The following NTM variants were observed in gnomAD, a reference collection of about 807,000 sequenced individuals.
NTM encodes neurotrimin.
Under a neutral mutation model 42.1 loss-of-function variants are expected in NTM, and 13 were observed. The ratio of observed to expected loss-of-function variants is 0.31; its 90% confidence interval spans 0.20 to 0.49. NTM has a LOEUF of 0.49. Ranked by LOEUF, NTM falls within the 20% of genes least tolerant of loss-of-function variation. The pLI is 0.99. For synonymous variants in NTM, 187 were observed against 179.2 expected, an observed-to-expected ratio of 1.04 and a Z score of -0.35; for missense variants, 373 against 452.8, an observed-to-expected ratio of 0.82 and a Z score of 1.60.
At chr11:131,411,800 A>G (rs773241011) in intron 1 of NTM, among the ~76,000 whole-genome samples, 21 of 152,276 alleles carry the variant, frequency 1.4e-4, no homozygotes, top group Non-Finnish European at 1.6e-4. Flanking sequence ...ATCAGAGCAC[A>G]TGGCTGTCAC....
Position 131,562,018 on chromosome 11 carries a change from T to A in NTM, c.82+191130T>A, listed in dbSNP as rs374884336. ...TTTATTTTTAAGTCATTTTTCTCTCTGTTATTACTATTTTTTATTTTTTAG... is the reference window on the plus strand; with the variant it reads ...TTTATTTTTAAGTCATTTTTCTCTCAGTTATTACTATTTTTTATTTTTTAG... On this transcript the variant is annotated intron_variant, in intron 1 of 8. Coordinates refer to ENST00000683400, the MANE Select transcript of NTM (RefSeq NM_001352005.2). Among the ~76,000 whole-genome samples the A allele has an allele frequency of 6.6e-5, 10 of 152,368 alleles. No homozygotes were observed. In the South Asian group the frequency reaches 8.3e-4, roughly 13 times the overall value.
At chr11:131,691,617 G>A (rs920852863) in intron 1 of NTM, among the ~76,000 whole-genome samples, 2 of 150,894 alleles carry the variant, frequency 1.3e-5, no homozygotes, top group South Asian at 4.2e-4. Context: ...TCTCTTCCAT[G>A]TTGTCTTCTG....
chr11:131,421,080 T>A (rs1947468735), intron 1 of NTM, among the ~76,000 whole-genome samples: 1 of 152,208 alleles, frequency 6.6e-6, no homozygotes, highest in Admixed American at 6.5e-5. Context: ...TGAGATGGGC[T>A]GGAAGCTTGA....
intron 1 of NTM, among the ~76,000 whole-genome samples, chr11:131,628,153 G>A (rs1215436953): frequency 6.6e-6 from 1 of 152,156 alleles, no homozygotes; most frequent in African/African-American, 2.4e-5. Flanking sequence ...AATTGACAGA[G>A]TCCACCTTCT....
rs1286911511 is a variant in NTM at position 132,146,247 on chromosome 11, A to T, written c.168-35A>T. The T allele has an allele frequency of 6.2e-7, 1 of 1,610,166 alleles. No homozygotes were observed. The highest frequency in any genetic ancestry group is 8.5e-7 in the Non-Finnish European group (1 of 1,177,254). On this transcript the variant is annotated intron_variant, in intron 2 of 8. Transcript: ENST00000683400. The surrounding 1 kb of genome is among the most constrained non-coding windows in gnomAD (Gnocchi z 4.5). ...CCTCTGATGGCTGCTGTCGTCTCTC[A>T]GTCCCTTGACGTACCTGTCTGGTCT...
intron 1 of NTM, among the ~76,000 whole-genome samples, chr11:131,729,346 G>A (rs1207762803): frequency 6.6e-6 from 1 of 152,160 alleles, no homozygotes; most frequent in East Asian, 1.9e-4. Context: ...GGTTATTGTG[G>A]ACTGCTAATG....
At chr11:132,322,084 G>A (rs1328169539) in intron 7 of NTM, among the ~76,000 whole-genome samples, 1 of 152,012 alleles carries the variant, frequency 6.6e-6, no homozygotes, top group Non-Finnish European at 1.5e-5. Flanking sequence ...AGGCCAAAAT[G>A]TAAAGACCAT....
chr11:132,111,652 A>C (rs1377116115), intron 2 of NTM, among the ~76,000 whole-genome samples: 2 of 152,228 alleles, frequency 1.3e-5, no homozygotes, highest in Non-Finnish European at 2.9e-5. Context: ...GTGAAAGTTT[A>C]AGAACTGACC....
intron 1 of NTM, among the ~76,000 whole-genome samples, chr11:131,904,693 G>A (rs2053616003): frequency 6.6e-6 from 1 of 152,202 alleles, no homozygotes; most frequent in African/African-American, 2.4e-5. Context: ...CAATGGGATG[G>A]AGGTGTCCTG....
At chr11:131,517,677 C>T (rs1026444452) in intron 1 of NTM, among the ~76,000 whole-genome samples, 4 of 152,192 alleles carry the variant, frequency 2.6e-5, no homozygotes, top group African/African-American at 4.8e-5. Context: ...CTGGCTCAGG[C>T]AGAATAGCCT....
intron 1 of NTM, chr11:131,605,710 C>A (rs746476771): frequency 1.9e-4 from 155 of 825,364 alleles, no homozygotes; most frequent in Non-Finnish European, 2.1e-4. Context: ...GAGGACGTTT[C>A]TTTCTATTCC....
At chr11:131,597,675 CT>C (rs1285537768) in intron 1 of NTM, among the ~76,000 whole-genome samples, 4 of 152,214 alleles carry the variant, frequency 2.6e-5, no homozygotes, top group African/African-American at 9.6e-5. Flanking sequence ...GAAATCACCC[CT>C]TTTCAGGTGC....
At chr11:131,795,852 A>G (rs538879001) in intron 1 of NTM, 1 of 985,316 alleles carries the variant, frequency 1.0e-6, no homozygotes, top group Admixed American at 6.1e-5. Context: ...AAGAATGCAC[A>G]GGGTGCTCCT....
At chr11:131,752,036 A>T (rs937581712) in intron 1 of NTM, among the ~76,000 whole-genome samples, 2 of 152,176 alleles carry the variant, frequency 1.3e-5, no homozygotes, top group African/African-American at 4.8e-5. Flanking sequence ...GACCTCAGGG[A>T]AATGCAAACC....
At chr11:131,426,972 C>T (rs1401392425) in intron 1 of NTM, among the ~76,000 whole-genome samples, 1 of 151,996 alleles carries the variant, frequency 6.6e-6, no homozygotes, top group Non-Finnish European at 1.5e-5. Context: ...GGTCTTTACC[C>T]CTTTGACCTT....
rs1399341532 is a variant in NTM, at chr11:132,051,725, G to A, written c.168-94557G>A. Among the ~76,000 whole-genome samples, 4 of 152,208 alleles carry A rather than the reference G, an allele frequency of 2.6e-5. No individual in the cohort carries two copies. In the East Asian group the frequency reaches 7.7e-4, roughly 29 times the overall value. On this transcript the variant is annotated intron_variant, in intron 2 of 8. Coordinates refer to ENST00000683400, the MANE Select transcript of NTM (RefSeq NM_001352005.2). Reference sequence around the variant, plus strand: ...TCAGTAGAATGCTGGCTAAGCCCTGGCCACTCCTCACTGCTCATCTAACTA... The same window carrying A: ...TCAGTAGAATGCTGGCTAAGCCCTGACCACTCCTCACTGCTCATCTAACTA...
intron 1 of NTM, among the ~76,000 whole-genome samples, chr11:131,558,091 TC>T (rs1221732462): frequency 6.6e-6 from 1 of 152,188 alleles, no homozygotes; most frequent in South Asian, 2.1e-4. Context: ...ATGACATTGC[TC>T]CCTTTGAGCC....
chr11:131,447,145 C>A (rs959939410), intron 1 of NTM, among the ~76,000 whole-genome samples: 1 of 152,158 alleles, frequency 6.6e-6, no homozygotes, highest in African/African-American at 2.4e-5. Context: ...GAATATTCTC[C>A]TTTAGAGCAA....
chr11:132,332,195 T>A (rs1009847474), intron 8 of NTM: 3 of 152,256 alleles, frequency 2.0e-5, no homozygotes, highest in African/African-American at 7.2e-5. Flanking sequence ...TGGGAGGATG[T>A]CTCATTTGAG....
Sources: allele counts gnomAD v4.1 joint callset (sites outside exome capture counted in the v4.1 genomes callset), GRCh38; gene constraint gnomAD v4.1.1; non-coding constraint Gnocchi (gnomAD v3.1); transcripts MANE v1.5; gene names NCBI Gene and HGNC (gene_info 2026-07-23, HGNC 2026-07-21).